Variants in GGT6 observed in about 807,000 individuals in gnomAD.
GGT6 encodes gamma-glutamyltransferase 6.
In GGT6, 13 loss-of-function variants were observed where a neutral mutation model predicts 17.0. The ratio of observed to expected loss-of-function variants is 0.77; its 90% CI spans 0.50 to 1.22. The LOEUF (loss-of-function observed/expected upper bound fraction) is 1.22, where lower values mean the gene tolerates loss of function less well. Ranked by LOEUF, GGT6 falls within the 50% of genes most tolerant of loss-of-function variation. The pLI, the probability that GGT6 is intolerant of heterozygous loss-of-function variation, is 0.00. For synonymous variants in GGT6, 305 were observed against 297.9 expected (o/e 1.02, Z -0.25); for missense variants, 628 against 643.7 (o/e 0.98, Z 0.26).
In GGT6 at chr17:4,558,083, C is replaced by T. The variant is rs1288808611; in HGVS notation, c.1432G>A (p.Ala478Thr). 6.2e-7 allele frequency: 1 copy of T among 1,602,074 alleles called. No individual in the cohort carries two copies. The highest frequency in any genetic ancestry group is 8.5e-7 in the Non-Finnish European group (1 of 1,173,474). ...ACATGGGCGTGCTCTGTGTGGGCTGCCACCTGGAGCAGGGTCCCTTGGCCA... is the reference window on the plus strand; with the variant it reads ...ACATGGGCGTGCTCTGTGTGGGCTGTCACCTGGAGCAGGGTCCCTTGGCCA... ...TCGQGTLLQV[A>T]AHTEHAHVSS... The change falls in exon 4 of 4, where the codon GCA becomes ACA. Residue 478 changes from alanine to threonine, a missense_variant. Coordinates refer to ENST00000381550, the MANE Select transcript of GGT6 (RefSeq NM_001288702.2).
At position 4,558,426 on chromosome 17, in the gene GGT6, G is replaced by A; in HGVS notation, c.1089C>T (p.Asp363=). The A allele has an allele frequency of 6.2e-7, 1 of 1,606,100 alleles. No homozygotes were observed. The highest frequency in any genetic ancestry group is 8.5e-7 in the Non-Finnish European group (1 of 1,179,988). Residue 363 remains aspartate (D), a synonymous_variant, in exon 4 of 4, where the codon GAC becomes GAT. Coordinates refer to ENST00000381550, the MANE Select transcript of GGT6 (RefSeq NM_001288702.2). ...TGAGAAGGAGCACAGAGCCGCTGCT[G>A]TCCACGGCGGCCAGGGCACTGCTCT... ...SPESSALAAV[D]SSGSVLLLTS... is the part of the protein sequence containing the mutation.
In GGT6 at chr17:4,560,375, T is replaced by C; in HGVS notation, c.140+7A>G. On this transcript the variant is annotated splice_region_variant and intron_variant, in intron 1 of 3. Coordinates refer to ENST00000381550, the MANE Select transcript of GGT6 (RefSeq NM_001288702.2). The stretch of plus-strand genomic sequence containing the variant: ...GAGCCTGGTGCCCAGACCCCTCCCT[T>C]ACTTACCTGGAAGAGTCCTGGTGCC... 6.2e-7 allele frequency: 1 copy of C among 1,614,046 alleles called. No homozygotes were observed. Among genetic ancestry groups the C allele is most frequent in the Non-Finnish European group, 8.5e-7 (1 of 1,179,988 alleles).
Position 4,560,418 on chromosome 17 carries a change from A to G in GGT6, c.104T>C (p.Leu35Pro), listed in dbSNP as rs62066362. 0.02 allele frequency: 32,721 copies of G among 1,613,582 alleles called. 515 individuals carry two copies. The highest frequency in any genetic ancestry group is 0.074 in the Admixed American group (4,419 of 60,018). The change falls in exon 1 of 4, where the codon CTG (leucine) becomes CCG (proline). Residue 35 changes from leucine to proline, a missense_variant. Transcript: ENST00000381550. ...EVEEEETSEA[L>P]VLNPRRHQDS... ...CTGGTGCCTCCGGGGGTTTAGAACCAGCGCCTCTGATGTCTCCTCCTCCTC... is the reference window on the plus strand; with the variant it reads ...CTGGTGCCTCCGGGGGTTTAGAACCGGCGCCTCTGATGTCTCCTCCTCCTC...
chr17:4,558,934 A>G lies in GGT6; in HGVS notation c.581T>C (p.Leu194Pro). The G allele has an allele frequency of 2.6e-6, 4 of 1,549,628 alleles. No individual in the cohort carries two copies. Among genetic ancestry groups the G allele is most frequent in the Non-Finnish European group, 3.5e-6 (4 of 1,146,722 alleles). The change falls in exon 4 of 4, where the codon CTG becomes CCG. Residue 194 changes from leucine (L) to proline (P), a missense_variant. By Grantham distance (98) the Leu-to-Pro change is moderately conservative. Coordinates refer to ENST00000381550, the MANE Select transcript of GGT6 (RefSeq NM_001288702.2). ...GLPAALPTLHLLHARFGRLPW... is the reference protein window; with the variant it reads ...GLPAALPTLHPLHARFGRLPW... The stretch of plus-strand genomic sequence containing the variant: ...CAGGCGGCCGAAGCGTGCATGCAGC[A>G]GGTGCAGGGTGGGCAGAGCCGCGGG...
rs946895949 is a variant in GGT6, at chr17:4,558,986, G to T, written c.529C>A (p.Gln177Lys). 7.8e-6 allele frequency: 12 copies of T among 1,545,698 alleles called. No individual in the cohort carries two copies. The African/African-American group carries it at 1.5e-4, about 19-fold the overall frequency. ...NSTALTSGPA[Q>K]TLAPGLGLPA... ...AGCCCCAGGCCGGGGGCCAGGGTCT[G>T]TGCTGGGCCTGATGTCAGGGCCGTG... is the stretch of plus-strand genomic sequence containing the variant. Residue 177 changes from glutamine to lysine, a missense_variant, in exon 4 of 4, where the codon CAG becomes AAG. Physicochemically the swap from Gln to Lys is moderately conservative, Grantham distance 53 (BLOSUM62 1). Coordinates refer to ENST00000381550, the MANE Select transcript of GGT6 (RefSeq NM_001288702.2).
Position 4,558,934 on chromosome 17 carries a change from A to T in GGT6, c.581T>A (p.Leu194Gln), listed in dbSNP as rs899001159. 2 of 1,549,628 alleles carry T rather than the reference A, an allele frequency of 1.3e-6. No homozygotes were observed. The highest frequency in any genetic ancestry group is 1.7e-6 in the Non-Finnish European group (2 of 1,146,722). ...CAGGCGGCCGAAGCGTGCATGCAGC[A>T]GGTGCAGGGTGGGCAGAGCCGCGGG... The part of the protein sequence containing the change: ...GLPAALPTLH[L>Q]LHARFGRLPW... The change falls in exon 4 of 4, where the codon CTG becomes CAG. Residue 194 changes from leucine (L) to glutamine (Q), a missense_variant. Physicochemically the swap from Leu to Gln is moderately radical, Grantham distance 113. Coordinates refer to ENST00000381550, the MANE Select transcript of GGT6 (RefSeq NM_001288702.2).
Position 4,559,041 on chromosome 17 carries a change from G to T in GGT6, c.474C>A (p.Gly158=), listed in dbSNP as rs1195683157. 1 of 1,541,296 alleles carries T rather than the reference G, an allele frequency of 6.5e-7. No individual in the cohort carries two copies. ...TGCCTGAGGAGCTATCGTGGAAGAG[G>T]CCCCAAAACATGGCACCTGCAGGAG... The part of the protein sequence containing the change: ...HATGLGAMFW[G]LFHDSSSGNS... Residue 158 remains glycine (G), a synonymous_variant, in exon 4 of 4, where the codon GGC becomes GGA. Transcript: ENST00000381550.
chr17:4,560,459 C>G lies in GGT6; in HGVS notation c.63G>C (p.Glu21Asp). ...QKLLPWEPSL[E>D]SEEEVEEEET... ...CCTCCTCCTCCACTTCCTCCTCCGA[C>G]TCCAAGCTTGGCTCCCAGGGCAGCA... The change falls in exon 1 of 4, where the codon GAG (glutamate) becomes GAC (aspartate). Residue 21 changes from glutamate to aspartate, a missense_variant. Glu to Asp is a conservative substitution (Grantham distance 45). Coordinates refer to ENST00000381550, the MANE Select transcript of GGT6 (RefSeq NM_001288702.2). The G allele has an allele frequency of 6.2e-7, 1 of 1,614,054 alleles. No individual in the cohort carries two copies. The highest frequency in any genetic ancestry group is 8.5e-7 in the Non-Finnish European group (1 of 1,180,028).
chr17:4,558,515 G>C lies in GGT6; in HGVS notation c.1000C>G (p.Leu334Val). ...TCAGGGATGGGCGCCCCGGAGCGCA[G>C]GGCTGCCTCCAACAGTGCCAGCAGT... is the stretch of plus-strand genomic sequence containing the variant. ...PELLALLEAA[L>V]RSGAPIPDPC... is the part of the protein sequence containing the mutation. Residue 334 changes from leucine to valine, a missense_variant, in exon 4 of 4, where the codon CTG (leucine) becomes GTG (valine). By Grantham distance (32) the Leu-to-Val change is conservative. Coordinates refer to ENST00000381550, the MANE Select transcript of GGT6 (RefSeq NM_001288702.2). The C allele has an allele frequency of 6.3e-7, 1 of 1,595,470 alleles. No individual in the cohort carries two copies. The highest frequency in any genetic ancestry group is 1.1e-5 in the South Asian group (1 of 88,490).
rs1308410442 is a variant in GGT6, at chr17:4,558,132, T to C, written c.1383A>G (p.Glu461=). The change falls in exon 4 of 4, where the codon GAA becomes GAG. Residue 461 remains glutamate (E), a synonymous_variant. Transcript: ENST00000381550. ...CACAAGTGCTGGGATGCTCTGTTGG[T>C]TCTTGCTGACCCTGATGCTGGTGCT... ...QAQHQHQGQQ[E]PTEHPSTCGQ... 5 of 1,613,356 alleles carry C rather than the reference T, an allele frequency of 3.1e-6. No homozygotes were observed. In the Admixed American group the frequency reaches 5.0e-5, roughly 16 times the overall value.
At chr17:4,559,225 C>T (rs1908444946) in intron 3 of GGT6, 118 bp downstream of exon 3, 1 of 1,206,078 alleles carries the variant, frequency 8.3e-7, no homozygotes. Flanking sequence ...GACTGCTGCC[C>T]AAACCCTAAG....
rs774411905 is a variant in GGT6 at position 4,558,018 on chromosome 17, G to C, written c.1497C>G (p.Phe499Leu). The change falls in exon 4 of 4, where the codon TTC becomes TTG. Residue 499 changes from phenylalanine (F) to leucine (L), a missense_variant. Transcript: ENST00000381550. ...TGCCAGACCCACCCCCATCCTGTTA[G>C]AACCCCTGGAAGGGGCAGCAGGCAT... Reference protein sequence around the residue: ...VPHACCPFQGF With the variant: ...VPHACCPFQGL 8 of 1,528,176 alleles carry C rather than the reference G, an allele frequency of 5.2e-6. No homozygotes were observed. Among genetic ancestry groups the C allele is most frequent in the African/African-American group, 2.8e-5 (2 of 72,598 alleles). 94.7% of individuals were successfully genotyped at this position (1,528,176 alleles called of 1,614,324 possible).
intron 1 of GGT6, chr17:4,560,047 G>C (rs1356276911): frequency 3.5e-6 from 2 of 572,274 alleles, no homozygotes; most frequent in African/African-American, 1.9e-5. Flanking sequence ...AGGCAGGAGA[G>C]AAGGGGCTGG....
rs1908208893 is a variant in GGT6, at chr17:4,557,139, ACTG to A, written c.*873_*875del. ...GAACTCAGTGCTAGCCCCAGGCCCT[ACTG>A]CTTTTTCGTTATTACCCTGATTTTC... is the stretch of plus-strand genomic sequence containing the variant. On this transcript the variant is annotated 3_prime_UTR_variant, in exon 4 of 4. Transcript: ENST00000381550. The A allele has an allele frequency of 6.6e-6, 1 of 152,114 alleles. No homozygotes were observed. The highest frequency in any genetic ancestry group is 1.5e-5 in the Non-Finnish European group (1 of 68,038). The allele number at this position is 152,114 out of a possible 1,614,324, so 9.4% of individuals were successfully genotyped here. A position where few individuals can be genotyped will look rare whatever the true frequency, so the allele number is the denominator to read the frequency against.
At chr17:4,559,292 A>G in intron 3 of GGT6, 51 bp downstream of exon 3, 2 of 1,411,280 alleles carry the variant, frequency 1.4e-6, no homozygotes, top group South Asian at 1.2e-5. Flanking sequence ...GTTCCAGGTC[A>G]CTGATCAGGC....
At chr17:4,560,279 AAC>A (rs1184840340) in intron 1 of GGT6, 101 bp downstream of exon 1, 15 of 1,356,342 alleles carry the variant, frequency 1.1e-5, no homozygotes, top group Non-Finnish European at 1.4e-5. Context: ...CCTGGAGCTA[AAC>A]CCAGCGGGGA....
intron 1 of GGT6, 129 bp downstream of exon 1, chr17:4,560,253 A>T (rs555410560): frequency 3.9e-6 from 4 of 1,034,972 alleles, no homozygotes; most frequent in Non-Finnish European, 5.7e-6. Context: ...TTTTCCCCCA[A>T]ATTGACCGTA....
At chr17:4,560,071 C>A (rs1908529553) in intron 1 of GGT6, 2 of 570,510 alleles carry the variant, frequency 3.5e-6, no homozygotes, top group East Asian at 3.0e-5. Context: ...GCAGGCCCAG[C>A]CAGGCGTAGT....
chr17:4,556,221 G>C (rs896991244), downstream of GGT6, among the ~76,000 whole-genome samples: 2 of 152,222 alleles, frequency 1.3e-5, no homozygotes, highest in Admixed American at 1.3e-4. Context: ...GCTGCTGTGT[G>C]GGGGATGGAC....
Sources: gnomAD v4.1 joint callset for allele counts (sites outside exome capture counted in the v4.1 genomes callset) on GRCh38, gnomAD v4.1.1 for gene constraint, MANE v1.5 for transcripts, NCBI Gene and HGNC (gene_info 2026-07-23, HGNC 2026-07-21) for gene names.